SUCLG2: variants seen among roughly 807,000 people sequenced by gnomAD.
SUCLG2 encodes the protein succinate-CoA ligase GDP-forming subunit beta, also known as succinate--CoA ligase [GDP-forming] subunit beta, mitochondrial.
A neutral mutation model predicts 47.9 loss-of-function variants in SUCLG2; 42 were observed. The ratio of observed to expected loss-of-function variants is 0.88; its 90% confidence interval spans 0.69 to 1.14. SUCLG2 has a LOEUF of 1.14. Ranked by LOEUF, SUCLG2 falls within the 50% of genes most tolerant of loss-of-function variation. The pLI is 0.00. For synonymous variants in SUCLG2, 195 were observed against 197.3 expected, an observed-to-expected ratio of 0.99 and a Z score of 0.10; for missense variants, 571 against 525.9, an observed-to-expected ratio of 1.09 and a Z score of -0.84.
At chr3:67,550,591 A>C (rs1352320555) in intron 2 of SUCLG2, among the ~76,000 whole-genome samples, 1 of 152,150 alleles carries the variant, frequency 6.6e-6, no homozygotes, top group East Asian at 1.9e-4. Context: ...AAGCCTCCCA[A>C]GTGCTGGGGT....
At chr3:67,567,189 A>C (rs1707474203) in intron 2 of SUCLG2, among the ~76,000 whole-genome samples, 1 of 151,488 alleles carries the variant, frequency 6.6e-6, no homozygotes, top group South Asian at 2.1e-4. Context: ...TCTCAAAAGA[A>C]AAAAAAAAGG....
intron 9 of SUCLG2, among the ~76,000 whole-genome samples, chr3:67,461,850 A>T (rs975614084): frequency 6.6e-6 from 1 of 152,044 alleles, no homozygotes; most frequent in Admixed American, 6.6e-5. Flanking sequence ...CCAAGGAGAA[A>T]GGGATAACAG....
intron 1 of SUCLG2, among the ~76,000 whole-genome samples, chr3:67,638,413 G>A (rs184976513): frequency 6.6e-6 from 1 of 152,230 alleles, no homozygotes; most frequent in East Asian, 1.9e-4. Flanking sequence ...GCTACACTTG[G>A]CATTTCACCT....
intron 2 of SUCLG2, among the ~76,000 whole-genome samples, chr3:67,561,551 GAAGATT>G (rs2107216771): frequency 6.6e-6 from 1 of 152,230 alleles, no homozygotes; most frequent in East Asian, 1.9e-4. Context: ...AAATGAGCTG[GAAGATT>G]AAGTGTATCT....
At chr3:67,490,336 T>G (rs974897647) in intron 9 of SUCLG2, among the ~76,000 whole-genome samples, 7 of 152,212 alleles carry the variant, frequency 4.6e-5, no homozygotes, top group Non-Finnish European at 1.0e-4. Context: ...ATATACCTGA[T>G]TCTGAAAATA....
chr3:67,376,609 C>A (rs1055182467), intron 10 of SUCLG2: 15 of 670,602 alleles, frequency 2.2e-5, no homozygotes, highest in Non-Finnish European at 2.6e-5. Flanking sequence ...TATTTATAAA[C>A]AAAGACCTTG....
chr3:67,590,860 T>C (rs1708140563), intron 2 of SUCLG2, among the ~76,000 whole-genome samples: 1 of 152,174 alleles, frequency 6.6e-6, no homozygotes, highest in Non-Finnish European at 1.5e-5. Context: ...GTTTCACATC[T>C]TTCCAGAAGG....
intron 10 of SUCLG2, among the ~76,000 whole-genome samples, chr3:67,377,873 T>C (rs1352027822): frequency 6.6e-6 from 1 of 152,138 alleles, no homozygotes; most frequent in African/African-American, 2.4e-5. Flanking sequence ...AGGCTGGTCC[T>C]GAACTCCTAA....
At chr3:67,458,584 A>G (rs1428396625) in intron 9 of SUCLG2, among the ~76,000 whole-genome samples, 2 of 152,176 alleles carry the variant, frequency 1.3e-5, no homozygotes, top group Non-Finnish European at 2.9e-5. Context: ...CTGAAATTCC[A>G]TGACTCTAAA....
intron 2 of SUCLG2, among the ~76,000 whole-genome samples, chr3:67,555,292 T>C (rs1707128717): frequency 6.6e-6 from 1 of 152,170 alleles, no homozygotes. Context: ...TGCAGATGCA[T>C]GTTTATGTAT....
At chr3:67,434,320 G>A (rs1038325521) in intron 9 of SUCLG2, among the ~76,000 whole-genome samples, 1 of 152,164 alleles carries the variant, frequency 6.6e-6, no homozygotes, top group African/African-American at 2.4e-5. Context: ...GAGCTCAGGA[G>A]CTTGAGACCA....
At chr3:67,446,415 ACATT>A (rs1703925374) in intron 9 of SUCLG2, among the ~76,000 whole-genome samples, 1 of 111,876 alleles carries the variant, frequency 8.9e-6, no homozygotes, top group Non-Finnish European at 1.7e-5. Context: ...GTACATATGT[ACATT>A]TTTTTTTTTT....
rs1270941584 is a variant in SUCLG2 at position 67,529,145 on chromosome 3, C to T, written c.268G>A (p.Gly90Arg). 1.2e-6 allele frequency: 2 copies of T among 1,613,592 alleles called. No homozygotes were observed. The highest frequency in any genetic ancestry group is 1.7e-6 in the Non-Finnish European group (2 of 1,179,798). The change falls in exon 3 of 11, where the codon GGA (glycine) becomes AGA (arginine). Residue 90 changes from glycine to arginine, a missense_variant. Physicochemically the swap from Gly to Arg is moderately radical, Grantham distance 125 (BLOSUM62 -2). Transcript: ENST00000307227. ...IVLKAQILAG[G>R]RGKGVFNSGL... The stretch of plus-strand genomic sequence containing the variant: ...CTATTGAAGACACCTTTTCCTCTTC[C>T]TCCAGCTAAGATCTGGGCTTTTAAA...
chr3:67,568,080 T>A (rs1707509835), intron 2 of SUCLG2, among the ~76,000 whole-genome samples: 1 of 152,154 alleles, frequency 6.6e-6, no homozygotes, highest in Non-Finnish European at 1.5e-5. Flanking sequence ...GTTGTGTGTG[T>A]GAGAGAGACC....
chr3:67,582,494 C>T (rs1278010295), intron 2 of SUCLG2, among the ~76,000 whole-genome samples: 3 of 152,264 alleles, frequency 2.0e-5, no homozygotes, highest in East Asian at 1.9e-4. Context: ...ATATGTACCA[C>T]ATTTTCTTTA....
At chr3:67,401,947 C>T (rs1050373606) in intron 9 of SUCLG2, among the ~76,000 whole-genome samples, 4 of 152,180 alleles carry the variant, frequency 2.6e-5, no homozygotes, top group African/African-American at 9.7e-5. Context: ...CTTCCCAGAA[C>T]CCTATTTATT....
intron 9 of SUCLG2, among the ~76,000 whole-genome samples, chr3:67,417,610 T>C (rs1703065129): frequency 6.6e-6 from 1 of 152,156 alleles, no homozygotes; most frequent in South Asian, 2.1e-4. Flanking sequence ...TAGTAAAACG[T>C]AGACAATAAT....
Position 67,437,974 on chromosome 3 carries a change from T to C in SUCLG2, c.1063-37123A>G, listed in dbSNP as rs191292895. Among the ~76,000 whole-genome samples, 3 of 152,262 alleles carry C rather than the reference T, an allele frequency of 2.0e-5. No homozygotes were observed. The East Asian group carries it at 5.8e-4, about 29-fold the overall frequency. The stretch of plus-strand genomic sequence containing the variant: ...ATGGGTAGGCTTAGTGACTCACTTC[T>C]AGTGAAAAGAATACATATACGTGAT... On this transcript the variant is annotated intron_variant, in intron 9 of 10. Transcript: ENST00000307227.
At chr3:67,608,754 T>C (rs189989102) in intron 2 of SUCLG2, among the ~76,000 whole-genome samples, 23 of 151,978 alleles carry the variant, frequency 1.5e-4, no homozygotes, top group Admixed American at 4.6e-4. Context: ...CATAGCCCAC[T>C]GCAATCTCAA....
Sources: gnomAD v4.1 joint callset for allele counts (sites outside exome capture counted in the v4.1 genomes callset) on GRCh38, gnomAD v4.1.1 for gene constraint, MANE v1.5 for transcripts, NCBI Gene and HGNC (gene_info 2026-07-23, HGNC 2026-07-21) for gene names.